The following CLYBL variants were observed in gnomAD, a reference collection of about 807,000 sequenced individuals.
CLYBL encodes the protein citramalyl-CoA lyase, also known as citramalyl-CoA lyase, mitochondrial.
In CLYBL, 31 loss-of-function variants were observed where a neutral mutation model predicts 38.9. The observed-to-expected ratio is 0.80, with a 90% CI of 0.60 to 1.08. The LOEUF (loss-of-function observed/expected upper bound fraction) is 1.08. CLYBL is among the 50% of genes least tolerant of loss of function. CLYBL has a pLI of 0.00. For synonymous variants in CLYBL, 171 were observed against 158.6 expected, an observed-to-expected ratio of 1.08 and a Z score of -0.59; for missense variants, 434 against 411.6, an observed-to-expected ratio of 1.05 and a Z score of -0.47.
intron 2 of CLYBL, among the ~76,000 whole-genome samples, chr13:99,817,506 T>G (rs2050477397): frequency 6.6e-6 from 1 of 151,448 alleles, no homozygotes; most frequent in African/African-American, 2.4e-5. Context: ...ATACAAAAAC[T>G]TAGCCGGGCG....
chr13:99,642,539 C>T (rs1566596752), intron 1 of CLYBL, among the ~76,000 whole-genome samples: 1 of 151,916 alleles, frequency 6.6e-6, no homozygotes, highest in East Asian at 1.9e-4. Flanking sequence ...CTCAGCTTCC[C>T]GAGTAGCTAA....
At chr13:99,815,100 T>C (rs1195324589) in intron 2 of CLYBL, among the ~76,000 whole-genome samples, 3 of 152,056 alleles carry the variant, frequency 2.0e-5, no homozygotes, top group South Asian at 2.1e-4. Flanking sequence ...CCCCACATGG[T>C]CTCACTCTGC....
At chr13:99,906,467 G>T (rs1408066728) in intron 9 of CLYBL, among the ~76,000 whole-genome samples, 9 of 149,524 alleles carry the variant, frequency 6.0e-5, no homozygotes, top group African/African-American at 2.0e-4. Flanking sequence ...ACAAAGTCTT[G>T]CTCGGTCACC....
chr13:99,716,934 G>A (rs2048325760), intron 1 of CLYBL, among the ~76,000 whole-genome samples: 1 of 150,954 alleles, frequency 6.6e-6, no homozygotes, highest in Non-Finnish European at 1.5e-5. Context: ...TGGGATTACA[G>A]GCATGTGCCA....
At chr13:99,619,959 A>C (rs1441956584) in intron 1 of CLYBL, among the ~76,000 whole-genome samples, 1 of 152,108 alleles carries the variant, frequency 6.6e-6, no homozygotes, top group African/African-American at 2.4e-5. Context: ...TACAGCCTGC[A>C]CTCAATTGGT....
chr13:99,863,097 G>A lies in CLYBL; in HGVS notation c.540+5G>A. 1 of 1,528,900 alleles carries A rather than the reference G, an allele frequency of 6.5e-7. No individual in the cohort carries two copies. The highest frequency in any genetic ancestry group is 9.0e-7 in the Non-Finnish European group (1 of 1,108,504). 94.7% of individuals were successfully genotyped at this position (1,528,900 alleles called of 1,614,324 possible). A position where few individuals can be genotyped will look rare whatever the true frequency, so the allele number is the denominator to read the frequency against. Reference sequence around the variant, plus strand: ...ATGGGTTTGCTCAATTTTAAGGTAAGGAAGCCATAATACGGTTAATAAGTT... The same window carrying A: ...ATGGGTTTGCTCAATTTTAAGGTAAAGAAGCCATAATACGGTTAATAAGTT... On this transcript the variant is annotated splice_donor_5th_base_variant and intron_variant, in intron 4 of 8. Transcript: ENST00000339105.
chr13:99,731,610 T>C (rs2048592268), intron 1 of CLYBL, among the ~76,000 whole-genome samples: 1 of 151,868 alleles, frequency 6.6e-6, no homozygotes, highest in South Asian at 2.1e-4. Context: ...CTGTGCTAGA[T>C]GATAAAGAAG....
intron 1 of CLYBL, among the ~76,000 whole-genome samples, chr13:99,630,558 A>G (rs1310972231): frequency 6.6e-6 from 1 of 152,214 alleles, no homozygotes; most frequent in Non-Finnish European, 1.5e-5. Flanking sequence ...CTGAATAAGA[A>G]AAGCGTTTGA....
chr13:99,860,886 G>A (rs2051584493), intron 3 of CLYBL, among the ~76,000 whole-genome samples: 1 of 152,204 alleles, frequency 6.6e-6, no homozygotes, highest in Non-Finnish European at 1.5e-5. Flanking sequence ...GTGGGTTCTT[G>A]TTTGACTGGC....
At chr13:99,800,393 G>A (rs945395675) in intron 2 of CLYBL, among the ~76,000 whole-genome samples, 2 of 152,194 alleles carry the variant, frequency 1.3e-5, no homozygotes, top group Non-Finnish European at 2.9e-5. Flanking sequence ...GTGCCTGGGA[G>A]AGGCTGATAT....
chr13:99,833,007 C>CATACATATATATATAT (rs1189179465), intron 2 of CLYBL, among the ~76,000 whole-genome samples: 31 of 51,562 alleles, frequency 6.0e-4, no homozygotes, highest in East Asian at 1.5e-3. Flanking sequence ...TACATACATA[C>CATACATATATATATAT]ATATATATAT....
intron 5 of CLYBL, 23 bp downstream of exon 5, chr13:99,864,934 T>A (rs1386420204): frequency 3.3e-6 from 5 of 1,517,952 alleles, no homozygotes; most frequent in Non-Finnish European, 9.1e-7. Context: ...TCTCTCTCTC[T>A]CTTTTTCTGT....
At chr13:99,761,039 C>T (rs1309605019) in intron 1 of CLYBL, among the ~76,000 whole-genome samples, 3 of 152,288 alleles carry the variant, frequency 2.0e-5, no homozygotes, top group Non-Finnish European at 2.9e-5. Flanking sequence ...CCTTCTCAGC[C>T]TCTGGTAACC....
intron 1 of CLYBL, among the ~76,000 whole-genome samples, chr13:99,745,416 GT>G (rs1051113848): frequency 3.3e-5 from 5 of 152,028 alleles, no homozygotes; most frequent in Non-Finnish European, 5.9e-5. Flanking sequence ...GAAAGAAACT[GT>G]TTTGCACTTT....
chr13:99,824,263 C>CCT (rs1030055732), intron 2 of CLYBL, among the ~76,000 whole-genome samples: 5 of 125,598 alleles, frequency 4.0e-5, no homozygotes, highest in South Asian at 3.2e-4. Flanking sequence ...AATAGCCCCC[C>CCT]CCACCCACCC....
chr13:99,852,044 A>G (rs1025877357), intron 2 of CLYBL, among the ~76,000 whole-genome samples: 2 of 152,228 alleles, frequency 1.3e-5, no homozygotes, highest in Non-Finnish European at 2.9e-5. Context: ...TACAACATGA[A>G]TGAATCTTGA....
At chr13:99,668,163 A>G (rs2047510210) in intron 1 of CLYBL, among the ~76,000 whole-genome samples, 2 of 152,140 alleles carry the variant, frequency 1.3e-5, no homozygotes, top group African/African-American at 4.8e-5. Context: ...AGTCCCAGCT[A>G]CGTGGGAGGC....
At chr13:99,720,377 T>A (rs2048376144) in intron 1 of CLYBL, among the ~76,000 whole-genome samples, 1 of 152,136 alleles carries the variant, frequency 6.6e-6, no homozygotes. Flanking sequence ...TTTGGTTCAT[T>A]TTTTTTTCAG....
intron 2 of CLYBL, among the ~76,000 whole-genome samples, chr13:99,780,422 C>A (rs1217571094): frequency 1.3e-5 from 2 of 152,134 alleles, no homozygotes; most frequent in African/African-American, 4.8e-5. Flanking sequence ...GCTCTGTCAC[C>A]CAGGCTGGAG....
Sources: allele counts gnomAD v4.1 joint callset (sites outside exome capture counted in the v4.1 genomes callset), GRCh38; gene constraint gnomAD v4.1.1; transcripts MANE v1.5; gene names NCBI Gene and HGNC (gene_info 2026-07-23, HGNC 2026-07-21).